The following PATJ variants were observed in gnomAD, a reference collection of about 807,000 sequenced individuals.
PATJ encodes the protein inaD-like protein.
Under a neutral mutation model 224.9 loss-of-function variants are expected in PATJ, and 190 were observed. The observed-to-expected ratio is 0.84, with a 90% CI of 0.75 to 0.95. The LOEUF (loss-of-function observed/expected upper bound fraction) is 0.95. Among genes scored for constraint, PATJ ranks in the 40% least tolerant of loss-of-function variants. PATJ has a pLI of 0.00. For missense variants in PATJ, 2,121 were observed against 2,270.3 expected (o/e 0.93, Z 1.34); for synonymous variants, 769 against 820.3 (o/e 0.94, Z 1.07).
intron 28 of PATJ, among the ~76,000 whole-genome samples, chr1:61,993,611 G>A (rs1310181752): frequency 6.6e-6 from 1 of 151,800 alleles, no homozygotes; most frequent in African/African-American, 2.4e-5. Flanking sequence ...AAGGGATTAG[G>A]AGCTCTGTGT....
intron 15 of PATJ, among the ~76,000 whole-genome samples, chr1:61,826,244 A>G (rs1658230520): frequency 6.6e-6 from 1 of 152,104 alleles, no homozygotes; most frequent in Non-Finnish European, 1.5e-5. Context: ...TGGACCTGAG[A>G]CTCAGCCCGC....
At chr1:62,039,750 G>A (rs1651106954) in intron 30 of PATJ, among the ~76,000 whole-genome samples, 1 of 152,116 alleles carries the variant, frequency 6.6e-6, no homozygotes, top group African/African-American at 2.4e-5. Flanking sequence ...TTCGCTTTTG[G>A]AGCAGAAACC....
chr1:61,810,448 C>T (rs1206096919), intron 14 of PATJ, among the ~76,000 whole-genome samples: 1 of 151,868 alleles, frequency 6.6e-6, no homozygotes, highest in Non-Finnish European at 1.5e-5. Context: ...CCTGTAATCC[C>T]AGCACTTTGG....
At chr1:61,907,133 G>A (rs1369569054) in intron 24 of PATJ, among the ~76,000 whole-genome samples, 1 of 152,080 alleles carries the variant, frequency 6.6e-6, no homozygotes, top group Non-Finnish European at 1.5e-5. Context: ...ATGATTGTAA[G>A]TTTCCTGAGG....
chr1:61,823,303 A>G (rs1657632201), intron 15 of PATJ, among the ~76,000 whole-genome samples: 1 of 152,234 alleles, frequency 6.6e-6, no homozygotes, highest in Admixed American at 6.5e-5. Context: ...TATTTAAATG[A>G]ATGACTAGGA....
chr1:61,796,471 A>G (rs527527385), intron 10 of PATJ, among the ~76,000 whole-genome samples: 1 of 152,320 alleles, frequency 6.6e-6, no homozygotes, highest in African/African-American at 2.4e-5. Flanking sequence ...CATCTTGTGT[A>G]ATAACTGGCC....
chr1:61,886,627 C>T (rs1305730154), intron 22 of PATJ, among the ~76,000 whole-genome samples: 3 of 151,454 alleles, frequency 2.0e-5, no homozygotes, highest in African/African-American at 7.3e-5. Context: ...CGAGACTAGC[C>T]TGGCCAACAT....
rs1553150134 is a variant in PATJ at position 61,752,313 on chromosome 1, T to TC, written c.-36+9758_-36+9759insC. Among the ~76,000 whole-genome samples, 4 of 128,626 alleles carry TC rather than the reference T, an allele frequency of 3.1e-5. No individual in the cohort carries two copies. The East Asian group carries it at 8.1e-4, about 26-fold the overall frequency. The allele number at this position is 128,626 out of a possible 152,430, so 84.4% of individuals were successfully genotyped here. ...AAACTGACTCTTTTCATTTCTTTCT[T>TC]TTTTTTTTTTTTTTTTTTAAGACGG... On this transcript the variant is annotated intron_variant, in intron 1 of 43. Transcript: ENST00000642238.
chr1:62,020,194 C>T (rs1325206946), intron 29 of PATJ, among the ~76,000 whole-genome samples: 1 of 151,988 alleles, frequency 6.6e-6, no homozygotes, highest in Non-Finnish European at 1.5e-5. Flanking sequence ...GTGGCTAGTA[C>T]ATGAGAAGAT....
chr1:61,942,682 C>G (rs1677997072), intron 27 of PATJ, among the ~76,000 whole-genome samples: 1 of 151,956 alleles, frequency 6.6e-6, no homozygotes, highest in African/African-American at 2.4e-5. Context: ...TCCTGAGTAG[C>G]TGGGATTACA....
intron 27 of PATJ, among the ~76,000 whole-genome samples, chr1:61,977,309 C>T (rs1280968817): frequency 6.6e-6 from 1 of 151,988 alleles, no homozygotes; most frequent in Non-Finnish European, 1.5e-5. Flanking sequence ...AGGCTGATCT[C>T]GAACTCCTAG....
At chr1:62,032,145 A>C (rs1649437367) in intron 29 of PATJ, among the ~76,000 whole-genome samples, 1 of 152,056 alleles carries the variant, frequency 6.6e-6, no homozygotes. Context: ...GGTCAGGCTG[A>C]GGTCTTGTCT....
At chr1:62,046,234 A>G (rs377253477) in intron 30 of PATJ, among the ~76,000 whole-genome samples, 2 of 128,346 alleles carry the variant, frequency 1.6e-5, no homozygotes, top group Non-Finnish European at 3.3e-5. Context: ...GAAAGGAAGG[A>G]AGGGAGGGAG....
chr1:62,118,986 G>A (rs1368752711), intron 37 of PATJ, among the ~76,000 whole-genome samples: 1 of 144,126 alleles, frequency 6.9e-6, no homozygotes, highest in African/African-American at 2.7e-5. Flanking sequence ...AAATTTAGAA[G>A]CTACATCATT....
chr1:61,743,724 A>C (rs981604914), intron 1 of PATJ, among the ~76,000 whole-genome samples: 3 of 152,220 alleles, frequency 2.0e-5, no homozygotes, highest in Non-Finnish European at 4.4e-5. Flanking sequence ...CCTTTTAGCT[A>C]AAGTGAGCTT....
intron 26 of PATJ, among the ~76,000 whole-genome samples, chr1:61,921,126 C>T (rs752950012): frequency 6.6e-6 from 1 of 152,010 alleles, no homozygotes; most frequent in East Asian, 1.9e-4. Context: ...TTTTTTTAAA[C>T]CTTTATCTAC....
rs1351356312 is a variant in PATJ at position 61,927,733 on chromosome 1, C to G, written c.3574C>G (p.Gln1192Glu). 6.2e-7 allele frequency: 1 copy of G among 1,610,340 alleles called. No individual in the cohort carries two copies. The highest frequency in any genetic ancestry group is 8.5e-7 in the Non-Finnish European group (1 of 1,177,724). The change falls in exon 27 of 44, where the codon CAA becomes GAA. Residue 1192 changes from glutamine to glutamate, a missense_variant. Physicochemically the swap from Gln to Glu is conservative, Grantham distance 29. Transcript: ENST00000642238. The stretch of plus-strand genomic sequence containing the variant: ...CTCTCAAATTTTGCATCTTCAGAGG[C>G]AAGGAACTGCTCCACCGCCAATGAA... The part of the protein sequence containing the change: ...QDTQEKKEKR[Q>E]GTAPPPMKLP...
chr1:61,825,186 TA>T (rs1658020317), intron 15 of PATJ, among the ~76,000 whole-genome samples: 1 of 152,126 alleles, frequency 6.6e-6, no homozygotes, highest in Non-Finnish European at 1.5e-5. Context: ...CATTTTGGGG[TA>T]TTGGCAATAT....
At chr1:61,926,312 G>A (rs1248320799) in intron 26 of PATJ, among the ~76,000 whole-genome samples, 2 of 152,142 alleles carry the variant, frequency 1.3e-5, no homozygotes, top group Admixed American at 1.3e-4. Flanking sequence ...AAGGAGACCA[G>A]GACATGCTTA....
Sources: gnomAD v4.1 joint callset for allele counts (sites outside exome capture counted in the v4.1 genomes callset) on GRCh38, gnomAD v4.1.1 for gene constraint, MANE v1.5 for transcripts, NCBI Gene and HGNC (gene_info 2026-07-23, HGNC 2026-07-21) for gene names.